The following PALS2 variants were observed in gnomAD, a reference collection of about 807,000 sequenced individuals.
PALS2 encodes the protein protein PALS2.
In PALS2, 27 loss-of-function variants were observed where a neutral mutation model predicts 61.6. That is an observed-to-expected ratio of 0.44 (90% CI 0.32 to 0.60). PALS2 has a LOEUF of 0.60. Among genes scored for constraint, PALS2 ranks in the 20% least tolerant of loss-of-function variants. The pLI is 0.05. For synonymous variants in PALS2, 236 were observed against 218.6 expected (o/e 1.08, Z -0.70); for missense variants, 554 against 639.4 (o/e 0.87, Z 1.44).
At chr7:24,611,511 T>C (rs1423277455) in intron 1 of PALS2, among the ~76,000 whole-genome samples, 1 of 151,954 alleles carries the variant, frequency 6.6e-6, no homozygotes, top group East Asian at 1.9e-4. Flanking sequence ...GAAGTAATGA[T>C]GTCCCAGATG....
intron 1 of PALS2, among the ~76,000 whole-genome samples, chr7:24,576,528 C>T (rs548793570): frequency 6.6e-6 from 1 of 152,286 alleles, no homozygotes; most frequent in East Asian, 1.9e-4. Context: ...TACAAAGTAT[C>T]ATTCTTTATA....
intron 3 of PALS2, among the ~76,000 whole-genome samples, chr7:24,648,948 A>C (rs543571115): frequency 6.6e-6 from 1 of 151,992 alleles, no homozygotes; most frequent in East Asian, 1.9e-4. Flanking sequence ...CTAGATCAAA[A>C]CCACCCATGC....
intron 3 of PALS2, among the ~76,000 whole-genome samples, chr7:24,646,620 T>A (rs1273006430): frequency 6.6e-6 from 1 of 152,194 alleles, no homozygotes; most frequent in Non-Finnish European, 1.5e-5. Flanking sequence ...TTTCTTTTTC[T>A]GTTGTGTTTC....
At position 24,689,496 on chromosome 7, in the gene PALS2, G is replaced by C. The variant is rs1271224304; in HGVS notation, c.*1882G>C. The C allele has an allele frequency of 6.6e-6, 1 of 151,588 alleles. No individual in the cohort carries two copies. 9.4% of individuals were successfully genotyped at this position (151,588 alleles called of 1,614,324 possible). A position where few individuals can be genotyped will look rare whatever the true frequency, so the allele number is the denominator to read the frequency against. On this transcript the variant is annotated 3_prime_UTR_variant, in exon 12 of 12. Transcript: ENST00000222644. Reference sequence around the variant, plus strand: ...AAAATATATGACAATAGGCAGTATTGACACATTGTTTAAAATCTTTTTCAC... The same window carrying C: ...AAAATATATGACAATAGGCAGTATTCACACATTGTTTAAAATCTTTTTCAC...
At chr7:24,662,698 G>A (rs1786786440) in intron 5 of PALS2, among the ~76,000 whole-genome samples, 1 of 150,462 alleles carries the variant, frequency 6.6e-6, no homozygotes, top group African/African-American at 2.4e-5. Flanking sequence ...GAACCTGGGA[G>A]GCGGAGGTTG....
intron 9 of PALS2, among the ~76,000 whole-genome samples, chr7:24,673,858 A>T (rs1196591510): frequency 2.0e-5 from 3 of 151,890 alleles, no homozygotes; most frequent in Admixed American, 6.6e-5. Flanking sequence ...TTAGATAGGA[A>T]ATTAGATTAT....
intron 1 of PALS2, among the ~76,000 whole-genome samples, chr7:24,615,176 T>C (rs1784249567): frequency 6.6e-6 from 1 of 151,824 alleles, no homozygotes; most frequent in African/African-American, 2.4e-5. Flanking sequence ...AGTAAATGCC[T>C]GCATCAAAAA....
At chr7:24,606,671 G>A (rs1562610213) in intron 1 of PALS2, among the ~76,000 whole-genome samples, 1 of 151,590 alleles carries the variant, frequency 6.6e-6, no homozygotes, top group Non-Finnish European at 1.5e-5. Flanking sequence ...TTTTGAATTT[G>A]GGCTTAAGCA....
At chr7:24,640,081 T>C (rs1393029463) in intron 2 of PALS2, among the ~76,000 whole-genome samples, 1 of 152,096 alleles carries the variant, frequency 6.6e-6, no homozygotes, top group Non-Finnish European at 1.5e-5. Context: ...CCTCCCAAAG[T>C]GCTGGGATTA....
At chr7:24,578,051 C>T (rs1369808215) in intron 1 of PALS2, among the ~76,000 whole-genome samples, 1 of 152,000 alleles carries the variant, frequency 6.6e-6, no homozygotes, top group Non-Finnish European at 1.5e-5. Context: ...TCAAGTGATC[C>T]TCCCACCTCA....
At chr7:24,654,298 C>T (rs556248180) in intron 5 of PALS2, among the ~76,000 whole-genome samples, 1 of 150,728 alleles carries the variant, frequency 6.6e-6, no homozygotes, top group East Asian at 1.9e-4. Context: ...TACAGTATGA[C>T]AAAAATAAAT....
chr7:24,587,733 C>T (rs1783127491), intron 1 of PALS2, among the ~76,000 whole-genome samples: 1 of 150,720 alleles, frequency 6.6e-6, no homozygotes, highest in Non-Finnish European at 1.5e-5. Flanking sequence ...TTTCACTTTA[C>T]TTTTGTCTGA....
At chr7:24,675,541 C>CT (rs1414406175) in intron 9 of PALS2, among the ~76,000 whole-genome samples, 2 of 110,440 alleles carry the variant, frequency 1.8e-5, no homozygotes, top group Non-Finnish European at 3.5e-5. Context: ...TCCCTCCCCC[C>CT]TCCCCCCACC....
chr7:24,662,130 T>A (rs1786753440), intron 5 of PALS2, among the ~76,000 whole-genome samples: 1 of 152,234 alleles, frequency 6.6e-6, no homozygotes, highest in African/African-American at 2.4e-5. Flanking sequence ...GATTAATATT[T>A]AGCTTTTCTA....
At chr7:24,667,612 ATAAG>A (rs2128088583) in intron 8 of PALS2, among the ~76,000 whole-genome samples, 1 of 151,366 alleles carries the variant, frequency 6.6e-6, no homozygotes, top group East Asian at 1.9e-4. Flanking sequence ...AGAATCTCTG[ATAAG>A]TAAGGATAAA....
At chr7:24,630,447 A>C (rs938309924) in intron 2 of PALS2, among the ~76,000 whole-genome samples, 2 of 152,192 alleles carry the variant, frequency 1.3e-5, no homozygotes, top group Non-Finnish European at 2.9e-5. Flanking sequence ...ACAAACATGC[A>C]CGTTCTGTAC....
chr7:24,630,649 C>T (rs1784959135), intron 2 of PALS2, among the ~76,000 whole-genome samples: 1 of 152,126 alleles, frequency 6.6e-6, no homozygotes, highest in Non-Finnish European at 1.5e-5. Flanking sequence ...GAAGTCAATA[C>T]CTGCCTTCAA....
intron 9 of PALS2, among the ~76,000 whole-genome samples, chr7:24,678,151 T>C (rs575678740): frequency 3.3e-5 from 5 of 152,216 alleles, no homozygotes; most frequent in African/African-American, 9.6e-5. Flanking sequence ...ACTTTTCTTC[T>C]TCAAAGCTGT....
Position 24,632,734 on chromosome 7 carries a change from G to A in PALS2, c.117+8950G>A, listed in dbSNP as rs563543594. On this transcript the variant is annotated intron_variant, in intron 2 of 11. Transcript: ENST00000222644. ...AGATCACTGATGTTTCATGTTTATT[G>A]ATATAATTCGATTAACGTCTTTCAT... is the stretch of plus-strand genomic sequence containing the variant. Among the ~76,000 whole-genome samples, 3 of 152,194 alleles carry A rather than the reference G, an allele frequency of 2.0e-5. No homozygotes were observed. In the East Asian group the frequency reaches 5.8e-4, roughly 29 times the overall value.
Sources: gnomAD v4.1 joint callset for allele counts (sites outside exome capture counted in the v4.1 genomes callset) on GRCh38, gnomAD v4.1.1 for gene constraint, MANE v1.5 for transcripts, NCBI Gene and HGNC (gene_info 2026-07-23, HGNC 2026-07-21) for gene names.